The following SF3B3 variants were observed in gnomAD, a reference collection of about 807,000 sequenced individuals.
SF3B3 encodes splicing factor 3b subunit 3.
Under a neutral mutation model 139.2 loss-of-function variants are expected in SF3B3, and 33 were observed. The ratio of observed to expected loss-of-function variants is 0.24; its 90% CI spans 0.18 to 0.32. The LOEUF (loss-of-function observed/expected upper bound fraction) is 0.32, where lower values mean the gene tolerates loss of function less well. Among genes scored for constraint, SF3B3 ranks in the 10% least tolerant of loss-of-function variants. SF3B3 has a pLI of 1.00. For synonymous variants in SF3B3, 596 were observed against 563.6 expected (o/e 1.06, Z -0.81); for missense variants, 818 against 1,509.4 (o/e 0.54, Z 7.59).
At chr16:70,527,451 G>C (rs565826712) in intron 2 of SF3B3, among the ~76,000 whole-genome samples, 1 of 152,292 alleles carries the variant, frequency 6.6e-6, no homozygotes, top group East Asian at 1.9e-4. Context: ...TTTTGTTGAG[G>C]TTTAACTCTG....
intron 8 of SF3B3, among the ~76,000 whole-genome samples, chr16:70,540,772 C>G (rs1056408702): frequency 6.6e-6 from 1 of 151,926 alleles, no homozygotes; most frequent in African/African-American, 2.4e-5. Flanking sequence ...TTTTGGTAGC[C>G]TGTATCAGAG....
intron 16 of SF3B3, among the ~76,000 whole-genome samples, chr16:70,561,175 C>T (rs1391765837): frequency 1.3e-5 from 2 of 152,186 alleles, no homozygotes; most frequent in African/African-American, 4.8e-5. Flanking sequence ...CGCATGCCAC[C>T]ACGCCCAGCT....
At chr16:70,529,651 A>G (rs1192944273) in intron 3 of SF3B3, 1 of 160,828 alleles carries the variant, frequency 6.2e-6, no homozygotes, top group African/African-American at 2.4e-5. Flanking sequence ...TAATTTTATG[A>G]ATTACTGTTT....
At position 70,526,494 on chromosome 16, in the gene SF3B3, C is replaced by G. The variant is rs983262318; in HGVS notation, c.-70-93C>G. The G allele has an allele frequency of 5.0e-6, 3 of 596,472 alleles. No individual in the cohort carries two copies. The African/African-American group carries it at 5.6e-5, about 11-fold the overall frequency. 36.9% of individuals were successfully genotyped at this position (596,472 alleles called of 1,614,324 possible). On this transcript the variant is annotated intron_variant, in intron 1 of 25. Transcript: ENST00000302516. ...TTGTTTCTTAATAGGGCTTGCTCTGCTGGTTCTGCTGTCTTCATCCAGAAT... is the reference window on the plus strand; with the variant it reads ...TTGTTTCTTAATAGGGCTTGCTCTGGTGGTTCTGCTGTCTTCATCCAGAAT...
At chr16:70,556,858 G>GT in intron 14 of SF3B3, 28 bp from the exon 15 acceptor site, 1 of 1,613,382 alleles carries the variant, frequency 6.2e-7, no homozygotes, top group Non-Finnish European at 8.5e-7. Flanking sequence ...CATTTTCTGT[G>GT]TTTTTATGAT....
chr16:70,560,689 C>A, intron 16 of SF3B3, 98 bp downstream of exon 16: 1 of 1,381,880 alleles, frequency 7.2e-7, no homozygotes, highest in Non-Finnish European at 1.0e-6. Flanking sequence ...ACTAATTTGC[C>A]ACTCCATCTT....
At chr16:70,568,120 G>A (rs2050494460) in intron 21 of SF3B3, among the ~76,000 whole-genome samples, 163 bp from the exon 22 acceptor site, 2 of 152,156 alleles carry the variant, frequency 1.3e-5, no homozygotes, top group Admixed American at 1.3e-4. Flanking sequence ...TATATTAAAA[G>A]CTATTTGGCT....
At chr16:70,539,333 A>T in intron 8 of SF3B3, 126 bp downstream of exon 8, 1 of 701,802 alleles carries the variant, frequency 1.4e-6, no homozygotes, top group South Asian at 1.5e-5. Context: ...GAATCACCTG[A>T]GGTAAGGAGT....
chr16:70,533,887 G>A (rs1377285389), intron 5 of SF3B3, among the ~76,000 whole-genome samples: 1 of 152,178 alleles, frequency 6.6e-6, no homozygotes, highest in Admixed American at 6.5e-5. Flanking sequence ...ATTTACAAGG[G>A]CTTTTTCATT....
At position 70,541,790 on chromosome 16, in the gene SF3B3, C is replaced by G. The variant is rs2050220769; in HGVS notation, c.1189C>G (p.Leu397Val). ...FQPRPLKNLV[L>V]VDELDSLSPI... ...GCCAAGACCACTTAAAAACCTTGTGCTGGTTGATGAGTTGGACAGCCTCTC... is the reference window on the plus strand; with the variant it reads ...GCCAAGACCACTTAAAAACCTTGTGGTGGTTGATGAGTTGGACAGCCTCTC... Residue 397 changes from leucine to valine, a missense_variant, in exon 9 of 26, where the codon CTG (leucine) becomes GTG (valine). By Grantham distance (32) the Leu-to-Val change is conservative (BLOSUM62 1). Around this residue, in one of 14 missense-constraint regions of SF3B3, gnomAD observed 26 missense variants for 25.5 expected, o/e 1.02. Transcript: ENST00000302516. 2 of 1,614,028 alleles carry G rather than the reference C, an allele frequency of 1.2e-6. No homozygotes were observed.
intron 24 of SF3B3, 71 bp downstream of exon 24, chr16:70,570,220 T>C (rs1440989159): frequency 2.8e-6 from 4 of 1,421,068 alleles, no homozygotes; most frequent in Non-Finnish European, 3.9e-6. Flanking sequence ...ACCTAAGAGG[T>C]CAAATTCATT....
intron 11 of SF3B3, among the ~76,000 whole-genome samples, chr16:70,549,288 G>C (rs1472557003): frequency 6.6e-6 from 1 of 152,232 alleles, no homozygotes; most frequent in Non-Finnish European, 1.5e-5. Context: ...TGGGAGACAT[G>C]TAGGAGGAAA....
chr16:70,564,486 T>C (rs1011047433), intron 18 of SF3B3, among the ~76,000 whole-genome samples: 3 of 152,272 alleles, frequency 2.0e-5, no homozygotes, highest in Non-Finnish European at 2.9e-5. Flanking sequence ...GAGCCTTTCT[T>C]GTAACCCAGG....
intron 2 of SF3B3, chr16:70,527,077 G>A (rs2050071387): frequency 4.1e-6 from 1 of 241,624 alleles, no homozygotes; most frequent in South Asian, 8.5e-5. Flanking sequence ...GTCTGAAGGT[G>A]TTTGTCTGGT....
intron 17 of SF3B3, among the ~76,000 whole-genome samples, chr16:70,563,113 G>A (rs978346443): frequency 4.7e-5 from 7 of 149,038 alleles, no homozygotes; most frequent in African/African-American, 9.9e-5. Context: ...GACTACAGGC[G>A]TGCGCCACCA....
At chr16:70,540,487 G>T (rs1433233166) in intron 8 of SF3B3, among the ~76,000 whole-genome samples, 3 of 152,058 alleles carry the variant, frequency 2.0e-5, no homozygotes, top group Non-Finnish European at 4.4e-5. Context: ...CGACCTCCCA[G>T]GCTCAAGGTG....
At chr16:70,562,089 G>A (rs952779060) in intron 17 of SF3B3, among the ~76,000 whole-genome samples, 3 of 152,206 alleles carry the variant, frequency 2.0e-5, no homozygotes, top group Admixed American at 6.5e-5. Context: ...TTTAGAGCAA[G>A]TATTGGATCA....
At chr16:70,570,985 C>A in intron 24 of SF3B3, 110 bp from the exon 25 acceptor site, 1 of 760,766 alleles carries the variant, frequency 1.3e-6, no homozygotes, top group Non-Finnish European at 2.3e-6. Flanking sequence ...AGATATTTCC[C>A]GTGTGTTTGT....
At chr16:70,566,870 G>A (rs779497724) in intron 20 of SF3B3, among the ~76,000 whole-genome samples, 1 of 152,076 alleles carries the variant, frequency 6.6e-6, no homozygotes. Flanking sequence ...GCAATGTGGT[G>A]AAACTCAGTT....
Sources: allele counts gnomAD v4.1 joint callset (sites outside exome capture counted in the v4.1 genomes callset), GRCh38; gene constraint gnomAD v4.1.1; regional missense constraint gnomAD v4.1.1; transcripts MANE v1.5; gene names NCBI Gene and HGNC (gene_info 2026-07-23, HGNC 2026-07-21).